CPEB1: variants seen among roughly 807,000 people sequenced by gnomAD.
CPEB1 encodes cytoplasmic polyadenylation element-binding protein 1.
In CPEB1, 7 loss-of-function variants were observed where a neutral mutation model predicts 65.8. The ratio of observed to expected loss-of-function variants is 0.11; its 90% CI spans 0.06 to 0.20. The LOEUF (loss-of-function observed/expected upper bound fraction) is 0.20, where lower values mean the gene tolerates loss of function less well. Among genes scored for constraint, CPEB1 ranks in the 10% least tolerant of loss-of-function variants. The pLI is 1.00. For missense variants in CPEB1, 551 were observed against 712.2 expected, an observed-to-expected ratio of 0.77 and a Z score of 2.58; for synonymous variants, 262 against 260.0, an observed-to-expected ratio of 1.01 and a Z score of -0.08.
chr15:82,642,739 T>A (rs2047209506), intron 1 of CPEB1, among the ~76,000 whole-genome samples: 1 of 152,168 alleles, frequency 6.6e-6, no homozygotes. Context: ...CCAGAGTCAG[T>A]ACAGTTTATA....
At chr15:82,611,961 A>G (rs1031487267) in intron 3 of CPEB1, among the ~76,000 whole-genome samples, 1 of 152,100 alleles carries the variant, frequency 6.6e-6, no homozygotes, top group African/African-American at 2.4e-5. Context: ...TTGTAATCCC[A>G]GCACTTTGGG....
At chr15:82,616,245 C>A (rs1345425555) in intron 3 of CPEB1, among the ~76,000 whole-genome samples, 1 of 151,842 alleles carries the variant, frequency 6.6e-6, no homozygotes, top group Non-Finnish European at 1.5e-5. Flanking sequence ...GACAATTTAC[C>A]CAGTTATATA....
rs1359796085 is a variant in CPEB1, at chr15:82,606,540, C to T, written c.271+20653G>A. 8.9e-5 allele frequency among the ~76,000 whole-genome samples: 4 copies of T among 44,920 alleles called. 1 individual carries two copies. The highest frequency in any genetic ancestry group is 2.0e-4 in the African/African-American group (2 of 9,928). The allele number at this position is 44,920 out of a possible 152,430, so 29.5% of individuals were successfully genotyped here. On this transcript the variant is annotated intron_variant, in intron 3 of 12. Transcript: ENST00000684509. The stretch of plus-strand genomic sequence containing the variant: ...ATAACTTAAAAATACATAGTAAGGC[C>T]GGGCGCGGTGGCTCACGCCTGTAAT...
chr15:82,579,134 T>C (rs2040968006), intron 3 of CPEB1, among the ~76,000 whole-genome samples: 1 of 152,158 alleles, frequency 6.6e-6, no homozygotes, highest in African/African-American at 2.4e-5. Context: ...TAAAATTACA[T>C]GAGATTTTAA....
rs1192351271 is a variant in CPEB1 at position 82,571,469 on chromosome 15, G to A, written c.335C>T (p.Ser112Phe). ...RMLFPTSAQE[S>F]SRGLPDANDL... Reference sequence around the variant, plus strand: ...ATTTGCATCTGGGAGGCCACGGGAAGATTCTTGCGCAGAGGTTGGGAAAAG... The same window carrying A: ...ATTTGCATCTGGGAGGCCACGGGAAAATTCTTGCGCAGAGGTTGGGAAAAG... The change falls in exon 4 of 13, where the codon TCT (serine) becomes TTT (phenylalanine). Residue 112 changes from serine (S) to phenylalanine (F), a missense_variant. Around this residue, in one of 6 missense-constraint regions of CPEB1, gnomAD observed 223 missense variants for 228.6 expected, o/e 0.98. Coordinates refer to ENST00000684509, the MANE Select transcript of CPEB1 (RefSeq NM_001365242.1). 6.2e-7 allele frequency: 1 copy of A among 1,614,060 alleles called. No individual in the cohort carries two copies. The highest frequency in any genetic ancestry group is 8.5e-7 in the Non-Finnish European group (1 of 1,180,026).
intron 12 of CPEB1, among the ~76,000 whole-genome samples, chr15:82,545,167 G>GGGA (rs1220449442): frequency 6.6e-6 from 1 of 152,200 alleles, no homozygotes; most frequent in Non-Finnish European, 1.5e-5. Flanking sequence ...TCTCTTGGTT[G>GGGA]CTGTGTAACG....
At chr15:82,611,286 C>T (rs1029612574) in intron 3 of CPEB1, among the ~76,000 whole-genome samples, 1 of 152,020 alleles carries the variant, frequency 6.6e-6, no homozygotes, top group Non-Finnish European at 1.5e-5. Flanking sequence ...TTTCTATACA[C>T]TAGCAATGAA....
chr15:82,573,134 C>T lies in CPEB1; in HGVS notation c.272-1602G>A, dbSNP rs940981589. The T allele has an allele frequency of 5.2e-6, 8 of 1,535,334 alleles. No individual in the cohort carries two copies. The Admixed American group carries it at 9.8e-5, about 19-fold the overall frequency. Reference sequence around the variant, plus strand: ...GGCAGGGTCGAGAGAATAATGCTGCCACAGAAATAGCTGTTCAGAACTTCC... The same window carrying T: ...GGCAGGGTCGAGAGAATAATGCTGCTACAGAAATAGCTGTTCAGAACTTCC... On this transcript the variant is annotated intron_variant, in intron 3 of 12. Coordinates refer to ENST00000684509, the MANE Select transcript of CPEB1 (RefSeq NM_001365242.1).
In CPEB1 at chr15:82,598,362, C is replaced by T. The variant is rs529886474; in HGVS notation, c.272-26830G>A. ...TACAAAAATTACCCGGGCATGGTGG[C>T]GCACACCTGTAATCCCAGCTACTAG... On this transcript the variant is annotated intron_variant, in intron 3 of 12. Transcript: ENST00000684509. Among the ~76,000 whole-genome samples, 29 of 151,958 alleles carry T rather than the reference C, an allele frequency of 1.9e-4. 1 individual carries two copies. The highest frequency in any genetic ancestry group is 5.9e-4 in the Admixed American group (9 of 15,266).
chr15:82,623,600 C>T (rs556306544), intron 3 of CPEB1, among the ~76,000 whole-genome samples: 21 of 152,128 alleles, frequency 1.4e-4, no homozygotes, highest in Non-Finnish European at 2.8e-4. Context: ...CACTTGGACC[C>T]GGGAGTTGGA....
At chr15:82,646,816 T>A (rs587594815) in intron 1 of CPEB1, among the ~76,000 whole-genome samples, 31 of 152,062 alleles carry the variant, frequency 2.0e-4, no homozygotes, top group African/African-American at 7.5e-4. Context: ...CACCCCAAGG[T>A]GAGGACCCCT....
At chr15:82,557,552 A>AT (rs2037438927) in intron 5 of CPEB1, 1 of 535,800 alleles carries the variant, frequency 1.9e-6, no homozygotes, top group Admixed American at 3.4e-5. Context: ...CCTGCAATGT[A>AT]TTGCTCAATG....
intron 6 of CPEB1, 24 bp from the exon 7 acceptor site, chr15:82,554,015 A>C (rs2036744012): frequency 7.0e-7 from 1 of 1,435,594 alleles, no homozygotes; most frequent in Non-Finnish European, 9.7e-7. Flanking sequence ...CAAAGAGATA[A>C]ACAGGGGAGG....
intron 1 of CPEB1, among the ~76,000 whole-genome samples, chr15:82,634,261 GAT>G (rs1179611695): frequency 6.6e-6 from 1 of 151,078 alleles, no homozygotes; most frequent in Admixed American, 6.6e-5. Context: ...ACACTTTGTA[GAT>G]ATGTTTGCTA....
At chr15:82,581,715 T>C (rs1487127736) in intron 3 of CPEB1, among the ~76,000 whole-genome samples, 3 of 152,210 alleles carry the variant, frequency 2.0e-5, no homozygotes, top group Non-Finnish European at 4.4e-5. Flanking sequence ...AGATTGCTGT[T>C]GCCTAATTCA....
chr15:82,647,700 C>T, upstream of CPEB1: 2 of 543,190 alleles, frequency 3.7e-6, no homozygotes, highest in East Asian at 4.2e-5. Context: ...TCCACGAGGC[C>T]CCACGCCCGC....
intron 3 of CPEB1, among the ~76,000 whole-genome samples, chr15:82,581,660 C>T (rs534881148): frequency 9.0e-4 from 137 of 152,192 alleles, no homozygotes; most frequent in African/African-American, 2.2e-3. Context: ...TATCTCATTG[C>T]GGTGTACATT....
chr15:82,578,072 G>A (rs1251533239), intron 3 of CPEB1, among the ~76,000 whole-genome samples: 3 of 152,082 alleles, frequency 2.0e-5, no homozygotes, highest in African/African-American at 4.8e-5. Flanking sequence ...CCCAGGAGGC[G>A]GAGTTTGCAG....
intron 3 of CPEB1, among the ~76,000 whole-genome samples, chr15:82,605,601 C>T (rs1338388093): frequency 2.0e-5 from 3 of 152,154 alleles, no homozygotes; most frequent in Non-Finnish European, 4.4e-5. Flanking sequence ...TAGCTTTAAT[C>T]ATTTCACAGC....
Sources: gnomAD v4.1 joint callset for allele counts (sites outside exome capture counted in the v4.1 genomes callset) on GRCh38, gnomAD v4.1.1 for gene constraint, gnomAD v4.1.1 regional missense constraint, MANE v1.5 for transcripts, NCBI Gene and HGNC (gene_info 2026-07-23, HGNC 2026-07-21) for gene names.